The following APAF1 variants were observed in gnomAD, a reference collection of about 807,000 sequenced individuals.
The protein encoded by APAF1 is apoptotic protease-activating factor 1.
A neutral mutation model predicts 152.4 loss-of-function variants in APAF1; 91 were observed. That is an observed-to-expected ratio of 0.60 (90% CI 0.50 to 0.71). APAF1 has a LOEUF of 0.71. APAF1 is among the 30% of genes least tolerant of loss of function. The pLI is 0.00. For missense variants in APAF1, 1,283 were observed against 1,472.0 expected, an observed-to-expected ratio of 0.87 and a Z score of 2.10; for synonymous variants, 484 against 494.1, an observed-to-expected ratio of 0.98 and a Z score of 0.27.
chr12:98,727,156 G>GT lies in APAF1; in HGVS notation c.3457-16dup. On this transcript the variant is annotated splice_polypyrimidine_tract_variant and intron_variant, in intron 25 of 26. Transcript: ENST00000551964. ...CTGGATAACTCTGTTAATGAATTGT[G>GT]TATCATGTTTATGTAGATATGGAAT... The GT allele has an allele frequency of 6.2e-7, 1 of 1,613,272 alleles. No individual in the cohort carries two copies.
rs761865771 is a variant in APAF1, at chr12:98,727,216, C to T, written c.3500C>T (p.Pro1167Leu). The T allele has an allele frequency of 3.3e-5, 54 of 1,613,942 alleles. No homozygotes were observed. The highest frequency in any genetic ancestry group is 3.9e-5 in the Non-Finnish European group (46 of 1,179,988). ...SNGELLHLCA[P>L]LSEEGAATHG... The stretch of plus-strand genomic sequence containing the variant: ...GGTGAGCTTCTTCATTTGTGTGCTC[C>T]GCTTTCAGAAGAAGGAGCTGCTACC... The change falls in exon 26 of 27, where the codon CCG becomes CTG. Residue 1167 changes from proline (P) to leucine (L), a missense_variant. Pro to Leu is a moderately conservative substitution (Grantham distance 98). Transcript: ENST00000551964.
chr12:98,699,292 A>G, intron 16 of APAF1, 116 bp from the exon 17 acceptor site: 1 of 1,058,228 alleles, frequency 9.4e-7, no homozygotes, highest in African/African-American at 1.6e-5. Context: ...GCATAGGTAA[A>G]AATAATTCAT....
At chr12:98,685,999 A>G (rs1456638909) in intron 15 of APAF1, among the ~76,000 whole-genome samples, 1 of 152,248 alleles carries the variant, frequency 6.6e-6, no homozygotes, top group Non-Finnish European at 1.5e-5. Context: ...TTAAGCATGC[A>G]TCTCAGAGAT....
At chr12:98,695,666 T>C (rs1394817977) in intron 16 of APAF1, among the ~76,000 whole-genome samples, 1 of 152,250 alleles carries the variant, frequency 6.6e-6, no homozygotes, top group Non-Finnish European at 1.5e-5. Flanking sequence ...CTCTCAACTG[T>C]GTTGGGTATA....
intron 7 of APAF1, among the ~76,000 whole-genome samples, chr12:98,663,909 C>A (rs1253120596): frequency 6.6e-6 from 1 of 152,204 alleles, no homozygotes; most frequent in Non-Finnish European, 1.5e-5. Context: ...TTGCCCGCCT[C>A]AGCCTCCCAA....
chr12:98,702,000 T>C (rs139396408), intron 17 of APAF1, among the ~76,000 whole-genome samples: 1 of 152,376 alleles, frequency 6.6e-6, no homozygotes, highest in East Asian at 1.9e-4. Context: ...TCCTGCCCTG[T>C]GTTTTTGGCC....
At chr12:98,668,408 T>G (rs917571879) in intron 10 of APAF1, among the ~76,000 whole-genome samples, 2 of 152,280 alleles carry the variant, frequency 1.3e-5, no homozygotes, top group Admixed American at 6.5e-5. Flanking sequence ...CAATAAATAT[T>G]TATTGAGTGC....
rs980632296 is a variant in APAF1, at chr12:98,645,490, C to G, written c.-387C>G. The G allele has an allele frequency of 9.8e-5, 15 of 152,314 alleles. No individual in the cohort carries two copies. The highest frequency in any genetic ancestry group is 9.2e-4 in the Admixed American group (14 of 15,284). The allele number at this position is 152,314 out of a possible 1,614,324, so 9.4% of individuals were successfully genotyped here. On this transcript the variant is annotated 5_prime_UTR_variant, in exon 1 of 27. Transcript: ENST00000551964. Reference sequence around the variant, plus strand: ...GCGCCACAGGCCGGGAAGACCTCCTCCCTTTGTGTCCAGTAGTGGGGTCCA... The same window carrying G: ...GCGCCACAGGCCGGGAAGACCTCCTGCCTTTGTGTCCAGTAGTGGGGTCCA...
At chr12:98,703,231 T>A (rs2097717570) in intron 17 of APAF1, 140 bp from the exon 18 acceptor site, 1 of 873,276 alleles carries the variant, frequency 1.1e-6, no homozygotes, top group South Asian at 1.4e-5. Context: ...CCATATTTTG[T>A]TTATGACTGT....
chr12:98,675,597 T>G (rs2097685633), intron 12 of APAF1, among the ~76,000 whole-genome samples: 1 of 152,238 alleles, frequency 6.6e-6, no homozygotes, highest in South Asian at 2.1e-4. Context: ...GTATTACAAC[T>G]GTTTACATAG....
intron 18 of APAF1, among the ~76,000 whole-genome samples, chr12:98,703,985 A>T (rs2153336525): frequency 6.6e-6 from 1 of 152,316 alleles, no homozygotes; most frequent in African/African-American, 2.4e-5. Context: ...TTACTTTTTT[A>T]TGATTTTGTA....
chr12:98,670,121 G>A (rs1343749693), intron 10 of APAF1, among the ~76,000 whole-genome samples: 1 of 151,902 alleles, frequency 6.6e-6, no homozygotes, highest in African/African-American at 2.4e-5. Context: ...ATTTTTGTAT[G>A]TTTTGTAGAG....
At chr12:98,671,123 G>A in intron 11 of APAF1, 37 bp downstream of exon 11, 2 of 1,274,644 alleles carry the variant, frequency 1.6e-6, no homozygotes, top group Non-Finnish European at 2.3e-6. Flanking sequence ...TGCTAAAAAG[G>A]AATCTCATTT....
chr12:98,666,771 G>A (rs1234217754), intron 9 of APAF1, among the ~76,000 whole-genome samples: 1 of 152,086 alleles, frequency 6.6e-6, no homozygotes, highest in African/African-American at 2.4e-5. Flanking sequence ...TGACTAGATT[G>A]AAGTTATAGA....
At chr12:98,648,551 A>T in intron 2 of APAF1, 54 bp downstream of exon 2, 1 of 1,608,684 alleles carries the variant, frequency 6.2e-7, no homozygotes, top group Non-Finnish European at 8.5e-7. Context: ...GAATTTCAGA[A>T]CTTGTACTGG....
chr12:98,686,628 T>C, intron 15 of APAF1, 120 bp from the exon 16 acceptor site: 1 of 1,006,240 alleles, frequency 9.9e-7, no homozygotes, highest in South Asian at 1.6e-5. Flanking sequence ...TTACTGTGAA[T>C]TAAACATCAT....
chr12:98,699,710 C>G, intron 17 of APAF1, 141 bp downstream of exon 17: 3 of 890,786 alleles, frequency 3.4e-6, no homozygotes, highest in Admixed American at 2.1e-5. Flanking sequence ...TGTCATGGTT[C>G]TTTGGAACTG....
At chr12:98,645,878 G>A (rs1208131177) in intron 1 of APAF1, 43 bp downstream of exon 1, 1 of 152,268 alleles carries the variant, frequency 6.6e-6, no homozygotes, top group East Asian at 1.9e-4. Flanking sequence ...CAGGTTCTTT[G>A]GAGGCTTGGT....
intron 4 of APAF1, among the ~76,000 whole-genome samples, chr12:98,654,495 A>G (rs1200045454): frequency 6.6e-6 from 1 of 152,012 alleles, no homozygotes; most frequent in Non-Finnish European, 1.5e-5. Context: ...GCTCACTGCA[A>G]CCTCTGCCTC....
Sources: gnomAD v4.1 joint callset for allele counts (sites outside exome capture counted in the v4.1 genomes callset) on GRCh38, gnomAD v4.1.1 for gene constraint, MANE v1.5 for transcripts, NCBI Gene and HGNC (gene_info 2026-07-23, HGNC 2026-07-21) for gene names.